RAB19: variants seen among roughly 807,000 people sequenced by gnomAD.
RAB19 encodes the protein ras-related protein Rab-19.
In RAB19, 21 loss-of-function variants were observed where a neutral mutation model predicts 17.3. The ratio of observed to expected loss-of-function variants is 1.21; its 90% CI spans 0.86 to 1.74. The LOEUF is 1.74. Ranked by LOEUF, RAB19 falls within the 40% of genes most tolerant of loss-of-function variation. The probability of loss-of-function intolerance (pLI) is 0.00; values close to 1 mark genes in which losing one functional copy is unlikely to be tolerated. For missense variants in RAB19, 277 were observed against 286.8 expected (o/e 0.97, Z 0.25); for synonymous variants, 126 against 110.4 (o/e 1.14, Z -0.88).
rs1004927536 is a variant in RAB19, at chr7:140,426,762, G to A, written c.*612G>A. Among the ~76,000 whole-genome samples the A allele has an allele frequency of 2.0e-5, 3 of 151,964 alleles. No homozygotes were observed. Among genetic ancestry groups the A allele is most frequent in the African/African-American group, 7.3e-5 (3 of 41,364 alleles). On this transcript the variant is annotated 3_prime_UTR_variant, in exon 4 of 4. Transcript: ENST00000537763. Reference sequence around the variant, plus strand: ...GAACTGTCTGATAGAGATGGAACTGGAATTCACTCTATTCTAGCAGGGCTG... The same window carrying A: ...GAACTGTCTGATAGAGATGGAACTGAAATTCACTCTATTCTAGCAGGGCTG...
intron 3 of RAB19, among the ~76,000 whole-genome samples, chr7:140,425,413 G>A (rs1227503239): frequency 1.3e-5 from 2 of 152,064 alleles, no homozygotes; most frequent in African/African-American, 4.8e-5. Flanking sequence ...CTGTTTGAGG[G>A]GGAGAAAAAG....
rs1048954314 is a variant in RAB19 at position 140,427,494 on chromosome 7, C to G, written c.*1344C>G. Among the ~76,000 whole-genome samples the G allele has an allele frequency of 6.9e-6, 1 of 144,458 alleles. No homozygotes were observed. The highest frequency in any genetic ancestry group is 1.5e-5 in the Non-Finnish European group (1 of 66,704). The allele number at this position is 144,458 out of a possible 152,430, so 94.8% of individuals were successfully genotyped here. A position where few individuals can be genotyped will look rare whatever the true frequency, so the allele number is the denominator to read the frequency against. On this transcript the variant is annotated 3_prime_UTR_variant, in exon 4 of 4. Coordinates refer to ENST00000537763, the MANE Select transcript of RAB19 (RefSeq NM_001008749.3). ...GAGACAGAGTTTCGCTCTTGTTGCCCAGGCTGGAGTGCAATGGTGTGACCT... is the reference window on the plus strand; with the variant it reads ...GAGACAGAGTTTCGCTCTTGTTGCCGAGGCTGGAGTGCAATGGTGTGACCT...
rs1040990196 is a variant in RAB19 at position 140,425,977 on chromosome 7, T to A, written c.481T>A (p.Ser161Thr). 15 of 1,614,150 alleles carry A rather than the reference T, an allele frequency of 9.3e-6. No individual in the cohort carries two copies. Among genetic ancestry groups the A allele is most frequent in the Non-Finnish European group, 1.3e-5 (15 of 1,180,026 alleles). Residue 161 changes from serine (S) to threonine (T), a missense_variant, in exon 4 of 4, where the codon TCT becomes ACT. By Grantham distance (58) the Ser-to-Thr change is moderately conservative. Coordinates refer to ENST00000537763, the MANE Select transcript of RAB19 (RefSeq NM_001008749.3). The part of the protein sequence containing the change: ...KYGLLAVLET[S>T]AKESKNIEEV... ...CGGCCTCCTGGCCGTTTTGGAGACA[T>A]CTGCCAAGGAGTCAAAGAACATAGA...
At chr7:140,413,641 G>A (rs770313142) in intron 3 of RAB19, among the ~76,000 whole-genome samples, 2 of 152,140 alleles carry the variant, frequency 1.3e-5, no homozygotes, top group Admixed American at 6.6e-5. Flanking sequence ...ATTTGAGGCT[G>A]CAGTGAGCTG....
At chr7:140,418,263 G>T (rs1341324241) in intron 3 of RAB19, among the ~76,000 whole-genome samples, 1 of 151,916 alleles carries the variant, frequency 6.6e-6, no homozygotes, top group East Asian at 1.9e-4. Context: ...TCAAGACAGA[G>T]AATATTGGCC....
intron 1 of RAB19, among the ~76,000 whole-genome samples, chr7:140,406,892 GT>G (rs200062741): frequency 1.2e-4 from 18 of 146,544 alleles, no homozygotes; most frequent in East Asian, 8.2e-4. Context: ...TTTTTTGGGT[GT>G]TTTTTTTTTG....
At chr7:140,410,049 T>C (rs1354822933) in intron 2 of RAB19, among the ~76,000 whole-genome samples, 1 of 150,826 alleles carries the variant, frequency 6.6e-6, no homozygotes, top group South Asian at 2.1e-4. Flanking sequence ...AAAAAATACT[T>C]CAAAGAAATC....
rs541799451 is a variant in RAB19 at position 140,426,607 on chromosome 7, C to T, written c.*457C>T. 2.6e-5 allele frequency among the ~76,000 whole-genome samples: 4 copies of T among 152,144 alleles called. No homozygotes were observed. The highest frequency in any genetic ancestry group is 2.1e-4 in the South Asian group (1 of 4,824). Reference sequence around the variant, plus strand: ...AACAGCTCAGGCAGGGAGAATGGAACGAAAGCCTGCAATGAGAAACCAGAA... The same window carrying T: ...AACAGCTCAGGCAGGGAGAATGGAATGAAAGCCTGCAATGAGAAACCAGAA... On this transcript the variant is annotated 3_prime_UTR_variant, in exon 4 of 4. Transcript: ENST00000537763.
At chr7:140,421,942 A>G (rs755719670) in intron 3 of RAB19, among the ~76,000 whole-genome samples, 13 of 152,240 alleles carry the variant, frequency 8.5e-5, no homozygotes, top group African/African-American at 2.4e-4. Flanking sequence ...TCAAGATTAT[A>G]TTACCTTTTA....
chr7:140,417,353 G>A (rs1799479401), intron 3 of RAB19, among the ~76,000 whole-genome samples: 1 of 151,262 alleles, frequency 6.6e-6, no homozygotes, highest in Non-Finnish European at 1.5e-5. Context: ...AGTGAGCTAT[G>A]ACTGAGCCAC....
At chr7:140,423,861 C>CT (rs928926726) in intron 3 of RAB19, among the ~76,000 whole-genome samples, 4 of 150,864 alleles carry the variant, frequency 2.7e-5, no homozygotes, top group South Asian at 2.1e-4. Flanking sequence ...CTTTTTTTTC[C>CT]TTTTTTTTTA....
intron 3 of RAB19, among the ~76,000 whole-genome samples, chr7:140,412,386 A>G (rs950841312): frequency 2.0e-5 from 3 of 152,166 alleles, no homozygotes; most frequent in African/African-American, 4.8e-5. Context: ...CAGGAGGCAG[A>G]GGTTGCAGTG....
chr7:140,407,169 G>A (rs559875837), intron 1 of RAB19, among the ~76,000 whole-genome samples: 1 of 152,272 alleles, frequency 6.6e-6, no homozygotes, highest in South Asian at 2.1e-4. Context: ...ACAGGCATGA[G>A]CCATCGTGCA....
intron 1 of RAB19, among the ~76,000 whole-genome samples, chr7:140,404,976 C>T (rs1462213291): frequency 6.6e-6 from 1 of 152,094 alleles, no homozygotes; most frequent in African/African-American, 2.4e-5. Flanking sequence ...GTGAGAGCTG[C>T]CCAGTGCAAA....
chr7:140,407,727 T>C lies in RAB19; in HGVS notation c.81T>C (p.Asn27=), dbSNP rs780467216. ...LFKIILIGDS[N]VGKTCVVQHF... ...AGATTATCCTCATTGGGGATTCCAA[T>C]GTGGGGAAGACGTGTGTGGTGCAGC... Residue 27 remains asparagine (N), a synonymous_variant, in exon 2 of 4, where the codon AAT becomes AAC. Coordinates refer to ENST00000537763, the MANE Select transcript of RAB19 (RefSeq NM_001008749.3). 1.8e-5 allele frequency: 29 copies of C among 1,613,960 alleles called. No individual in the cohort carries two copies. The highest frequency in any genetic ancestry group is 2.2e-5 in the East Asian group (1 of 44,880).
intron 2 of RAB19, among the ~76,000 whole-genome samples, chr7:140,409,917 C>T (rs1470421041): frequency 8.9e-5 from 13 of 146,762 alleles, no homozygotes; most frequent in East Asian, 2.1e-4. Context: ...GGCGTGAACC[C>T]GGGAGGCGGA....
At chr7:140,407,119 A>G (rs1229774954) in intron 1 of RAB19, among the ~76,000 whole-genome samples, 3 of 152,162 alleles carry the variant, frequency 2.0e-5, no homozygotes, top group Non-Finnish European at 4.4e-5. Context: ...TCCCAACCTC[A>G]GGTGATCCAC....
chr7:140,411,984 G>A lies in RAB19; in HGVS notation c.312G>A (p.Thr104=), dbSNP rs779036760. The A allele has an allele frequency of 5.0e-6, 8 of 1,614,138 alleles. No individual in the cohort carries two copies. Among genetic ancestry groups the A allele is most frequent in the South Asian group, 2.2e-5 (2 of 91,092 alleles). Residue 104 remains threonine, a synonymous_variant, in exon 3 of 4, where the codon ACG becomes ACA. Transcript: ENST00000537763. ...IIAYDLTRRS[T]FESIPHWIHE... The stretch of plus-strand genomic sequence containing the variant: ...CCTATGACCTCACCCGGCGGTCCAC[G>A]TTCGAGTCCATCCCTCACTGGATTC...
At chr7:140,418,552 G>A (rs1799503254) in intron 3 of RAB19, among the ~76,000 whole-genome samples, 2 of 151,280 alleles carry the variant, frequency 1.3e-5, no homozygotes. Flanking sequence ...CTCCAGCCTG[G>A]GTGACAGAGA....
Sources: allele counts gnomAD v4.1 joint callset (sites outside exome capture counted in the v4.1 genomes callset), GRCh38; gene constraint gnomAD v4.1.1; transcripts MANE v1.5; gene names NCBI Gene and HGNC (gene_info 2026-07-23, HGNC 2026-07-21).